Variants in WDR62 observed in about 807,000 individuals in gnomAD.
WDR62 encodes the protein WD repeat domain 62.
WDR62 carries 112 observed loss-of-function variants against 160.6 expected under a neutral mutation model. The ratio of observed to expected loss-of-function variants is 0.70; its 90% CI spans 0.60 to 0.82. The LOEUF (loss-of-function observed/expected upper bound fraction) is 0.82, where lower values mean the gene tolerates loss of function less well. WDR62 is among the 40% of genes least tolerant of loss of function. The pLI is 0.00. For missense variants in WDR62, 1,819 were observed against 1,983.8 expected (o/e 0.92, Z 1.58); for synonymous variants, 792 against 815.1 (o/e 0.97, Z 0.48).
intron 19 of WDR62, among the ~76,000 whole-genome samples, chr19:36,093,766 G>A (rs185935850): frequency 2.1e-4 from 32 of 152,328 alleles, no homozygotes; most frequent in Non-Finnish European, 3.8e-4. Flanking sequence ...CTGCAGCCCC[G>A]CTGTCTGCTT....
chr19:36,058,662 G>A, intron 1 of WDR62, 118 bp from the exon 2 acceptor site: 1 of 754,860 alleles, frequency 1.3e-6, no homozygotes, highest in Non-Finnish European at 2.3e-6. Context: ...GGATGGCGTG[G>A]CCACAGAAGC....
At chr19:36,100,950 T>C (rs1973292641) in intron 23 of WDR62, 75 bp downstream of exon 23, 4 of 1,606,054 alleles carry the variant, frequency 2.5e-6, no homozygotes, top group South Asian at 1.1e-5. Context: ...GAAGAAGTGC[T>C]CTCTGCCTTC....
intron 23 of WDR62, 151 bp downstream of exon 23, chr19:36,101,026 C>A: frequency 7.2e-7 from 1 of 1,392,934 alleles, no homozygotes; most frequent in East Asian, 2.3e-5. Context: ...CCTTAGTTCC[C>A]TGGTTCCAGG....
intron 19 of WDR62, among the ~76,000 whole-genome samples, chr19:36,093,247 CA>C (rs1972746307): frequency 6.6e-6 from 1 of 151,866 alleles, no homozygotes; most frequent in South Asian, 2.1e-4. Flanking sequence ...ACCGGCCAGC[CA>C]AGGGGAGGGG....
chr19:36,059,687 C>T (rs1970545357), intron 2 of WDR62, among the ~76,000 whole-genome samples: 2 of 152,146 alleles, frequency 1.3e-5, no homozygotes, highest in Non-Finnish European at 2.9e-5. Flanking sequence ...CCTCCTGCCC[C>T]ATACTCCCAA....
chr19:36,058,693 A>G, intron 1 of WDR62, 87 bp from the exon 2 acceptor site: 1 of 993,596 alleles, frequency 1.0e-6, no homozygotes. Context: ...TGTTGAATGT[A>G]GCAGGACCTG....
At chr19:36,097,436 G>A (rs1238402166) in intron 21 of WDR62, among the ~76,000 whole-genome samples, 1 of 152,234 alleles carries the variant, frequency 6.6e-6, no homozygotes, top group Non-Finnish European at 1.5e-5. Flanking sequence ...ACGTCAGCCA[G>A]GTGCAGTGAT....
intron 23 of WDR62, 31 bp from the exon 24 acceptor site, chr19:36,101,183 T>C (rs747143882): frequency 6.3e-7 from 1 of 1,585,498 alleles, no homozygotes; most frequent in South Asian, 1.1e-5. Context: ...CTGAAGTCCT[T>C]GTTCCCTCTC....
the WDR62 span, among the ~76,000 whole-genome samples, chr19:36,110,180 C>A: frequency 1.3e-5 from 2 of 150,564 alleles, no homozygotes; most frequent in Non-Finnish European, 3.0e-5. Context: ...TGTCAAGAGA[C>A]CCCCTTTGGG....
chr19:36,066,054 G>A, intron 4 of WDR62, 39 bp downstream of exon 4: 1 of 1,609,424 alleles, frequency 6.2e-7, no homozygotes, highest in Non-Finnish European at 8.5e-7. Flanking sequence ...TCGGGGGCTG[G>A]GGGGTCTTGG....
intron 1 of WDR62, 49 bp downstream of exon 1, chr19:36,055,197 T>C: frequency 6.4e-7 from 1 of 1,557,868 alleles, no homozygotes; most frequent in South Asian, 1.2e-5. Context: ...TTCCTAGGTT[T>C]CCCCTAGTCC....
chr19:36,083,591 T>A (rs886543378), intron 11 of WDR62, among the ~76,000 whole-genome samples: 3 of 152,100 alleles, frequency 2.0e-5, no homozygotes, highest in Non-Finnish European at 4.4e-5. Context: ...AGGGTCCTGG[T>A]GGCTCTGGGA....
intron 9 of WDR62, among the ~76,000 whole-genome samples, chr19:36,076,339 C>T (rs1235722132): frequency 6.6e-6 from 1 of 151,812 alleles, no homozygotes; most frequent in Non-Finnish European, 1.5e-5. Flanking sequence ...AGGGGAATTA[C>T]CCGAGCCCAC....
At chr19:36,080,512 C>T (rs974467300) in intron 9 of WDR62, among the ~76,000 whole-genome samples, 1 of 151,710 alleles carries the variant, frequency 6.6e-6, no homozygotes, top group Non-Finnish European at 1.5e-5. Context: ...CTGCAACCTC[C>T]GCCTCCCAGG....
intron 3 of WDR62, 86 bp from the exon 4 acceptor site, chr19:36,065,872 G>T: frequency 7.5e-7 from 1 of 1,330,264 alleles, no homozygotes; most frequent in South Asian, 1.2e-5. Context: ...GGCAGAAGAG[G>T]GCAGAGTCCT....
chr19:36,085,414 C>CTTTTTTTTTATT (rs1972154968), intron 12 of WDR62, among the ~76,000 whole-genome samples: 1 of 70,382 alleles, frequency 1.4e-5, no homozygotes, highest in African/African-American at 4.7e-5. Context: ...CACACCTGAC[C>CTTTTTTTTTATT]TTTTTTTTTT....
At chr19:36,080,733 G>A (rs1407158818) in intron 9 of WDR62, among the ~76,000 whole-genome samples, 1 of 152,138 alleles carries the variant, frequency 6.6e-6, no homozygotes, top group African/African-American at 2.4e-5. Context: ...GAGATTACAG[G>A]CATGAGCCAC....
intron 19 of WDR62, among the ~76,000 whole-genome samples, chr19:36,093,466 T>C (rs1260116100): frequency 6.6e-6 from 1 of 152,158 alleles, no homozygotes; most frequent in East Asian, 1.9e-4. Context: ...TCATTTTGAG[T>C]GGGAGGTTTT....
Position 36,100,861 on chromosome 19 carries a change from C to T in WDR62, c.2853C>T (p.Val951=). ...ILYSLEAEVT[V]TGTDSQYCRK... is the part of the protein sequence containing the mutation. Reference sequence around the variant, plus strand: ...ACTCTCTGGAGGCAGAAGTGACAGTCACAGGGACAGACAGGTGGGTGTCCT... The same window carrying T: ...ACTCTCTGGAGGCAGAAGTGACAGTTACAGGGACAGACAGGTGGGTGTCCT... The change falls in exon 23 of 32, where the codon GTC becomes GTT. Residue 951 remains valine (V), a synonymous_variant. Coordinates refer to ENST00000401500, the MANE Select transcript of WDR62 (RefSeq NM_001083961.2). 1 of 1,614,210 alleles carries T rather than the reference C, an allele frequency of 6.2e-7. No individual in the cohort carries two copies. Among genetic ancestry groups the T allele is most frequent in the South Asian group, 1.1e-5 (1 of 91,050 alleles).
Sources: allele counts gnomAD v4.1 joint callset (sites outside exome capture counted in the v4.1 genomes callset), GRCh38; gene constraint gnomAD v4.1.1; transcripts MANE v1.5; gene names NCBI Gene and HGNC (gene_info 2026-07-23, HGNC 2026-07-21).